FAM227B: variants seen among roughly 807,000 people sequenced by gnomAD.
FAM227B encodes protein FAM227B.
Under a neutral mutation model 73.8 loss-of-function variants are expected in FAM227B, and 88 were observed. That is an observed-to-expected ratio of 1.19 (90% CI 1.00 to 1.42). The LOEUF (loss-of-function observed/expected upper bound fraction) is 1.42, where lower values mean the gene tolerates loss of function less well. Ranked by LOEUF, FAM227B falls within the 40% of genes most tolerant of loss-of-function variation. The pLI is 0.00. For synonymous variants in FAM227B, 210 were observed against 190.5 expected, an observed-to-expected ratio of 1.10 and a Z score of -0.84; for missense variants, 632 against 590.9, an observed-to-expected ratio of 1.07 and a Z score of -0.72.
intron 11 of FAM227B, among the ~76,000 whole-genome samples, chr15:49,399,191 C>T (rs2047933831): frequency 7.0e-6 from 1 of 141,918 alleles, no homozygotes; most frequent in African/African-American, 2.7e-5. Flanking sequence ...CACAGAAATA[C>T]AAACTACCAT....
intron 10 of FAM227B, among the ~76,000 whole-genome samples, chr15:49,531,507 G>T (rs2060606998): frequency 1.3e-5 from 2 of 151,826 alleles, no homozygotes; most frequent in Non-Finnish European, 2.9e-5. Context: ...TTCCATTTCT[G>T]AATATAAAAA....
chr15:49,570,486 T>A (rs1204279524), intron 8 of FAM227B, among the ~76,000 whole-genome samples: 2 of 152,028 alleles, frequency 1.3e-5, no homozygotes, highest in East Asian at 1.9e-4. Context: ...CTGCCCATTT[T>A]AAAAATTTTA....
chr15:49,568,483 C>A (rs2074838430), intron 8 of FAM227B, 137 bp from the exon 9 acceptor site: 1 of 657,462 alleles, frequency 1.5e-6, no homozygotes, highest in Non-Finnish European at 2.5e-6. Context: ...TCGCATAATG[C>A]AGACCCAAAT....
chr15:49,473,261 G>T (rs2054944990), intron 11 of FAM227B, among the ~76,000 whole-genome samples: 1 of 152,070 alleles, frequency 6.6e-6, no homozygotes, highest in South Asian at 2.1e-4. Context: ...AAGTCATGAT[G>T]ATGTTCACTA....
At chr15:49,396,724 C>A (rs1293950150) in intron 11 of FAM227B, among the ~76,000 whole-genome samples, 1 of 149,136 alleles carries the variant, frequency 6.7e-6, no homozygotes, top group Non-Finnish European at 1.5e-5. Flanking sequence ...GAGGCACCCC[C>A]CAGCAGGGGC....
intron 11 of FAM227B, among the ~76,000 whole-genome samples, chr15:49,377,720 CAT>C (rs2046261419): frequency 6.6e-6 from 1 of 152,038 alleles, no homozygotes; most frequent in African/African-American, 2.4e-5. Context: ...ATTCTTTTCC[CAT>C]AGAGTTACTT....
chr15:49,507,342 A>G (rs1390731897), intron 11 of FAM227B, among the ~76,000 whole-genome samples: 2 of 152,118 alleles, frequency 1.3e-5, no homozygotes, highest in Admixed American at 6.5e-5. Flanking sequence ...TAGGCTGGGT[A>G]GGTTAATTCC....
intron 13 of FAM227B, among the ~76,000 whole-genome samples, chr15:49,355,204 C>T (rs957858173): frequency 6.6e-6 from 1 of 152,148 alleles, no homozygotes. Flanking sequence ...CAAAGGAACG[C>T]AGTTCCTCAC....
chr15:49,613,416 G>A (rs900433554), intron 2 of FAM227B, among the ~76,000 whole-genome samples: 15 of 152,124 alleles, frequency 9.9e-5, no homozygotes, highest in Admixed American at 7.9e-4. Flanking sequence ...TGAGAGAATC[G>A]CTTGAACCCC....
At chr15:49,438,405 C>G (rs1391932881) in intron 11 of FAM227B, among the ~76,000 whole-genome samples, 1 of 151,740 alleles carries the variant, frequency 6.6e-6, no homozygotes, top group Non-Finnish European at 1.5e-5. Flanking sequence ...ATATCCATTG[C>G]TTTGTTCCAC....
chr15:49,603,232 G>A (rs2077315576), intron 3 of FAM227B, among the ~76,000 whole-genome samples: 2 of 152,076 alleles, frequency 1.3e-5, no homozygotes. Flanking sequence ...ATTGCTTTGG[G>A]TAGTTTGGAC....
At chr15:49,530,027 G>A (rs1406760719) in intron 10 of FAM227B, among the ~76,000 whole-genome samples, 1 of 151,646 alleles carries the variant, frequency 6.6e-6, no homozygotes, top group Non-Finnish European at 1.5e-5. Context: ...GTTTTTATAT[G>A]TGGCTATCTT....
intron 13 of FAM227B, chr15:49,365,522 T>C: frequency 1.2e-6 from 1 of 849,976 alleles, no homozygotes; most frequent in Non-Finnish European, 2.1e-6. Flanking sequence ...TTTGGTACTC[T>C]GATGACTACT....
rs952755691 is a variant in FAM227B, at chr15:49,583,654, C to T, written c.405+4362G>A. Among the ~76,000 whole-genome samples the T allele has an allele frequency of 2.9e-5, 3 of 103,626 alleles. No homozygotes were observed. The South Asian group carries it at 8.7e-4, about 30-fold the overall frequency. The allele number at this position is 103,626 out of a possible 152,430, so 68.0% of individuals were successfully genotyped here. On this transcript the variant is annotated intron_variant, in intron 5 of 15. Transcript: ENST00000299338. Reference sequence around the variant, plus strand: ...TCTTAATAAACTTGCTTTCACTTGGCAAAAAAAAAAAAAAAATTATATGGG... The same window carrying T: ...TCTTAATAAACTTGCTTTCACTTGGTAAAAAAAAAAAAAAAATTATATGGG...
intron 11 of FAM227B, among the ~76,000 whole-genome samples, chr15:49,452,425 A>T (rs2052841476): frequency 6.6e-6 from 1 of 152,202 alleles, no homozygotes; most frequent in Non-Finnish European, 1.5e-5. Flanking sequence ...CCTTGTTAAC[A>T]TCTATTTCTA....
intron 11 of FAM227B, among the ~76,000 whole-genome samples, chr15:49,472,068 G>A (rs2054833080): frequency 6.6e-6 from 1 of 150,530 alleles, no homozygotes; most frequent in Non-Finnish European, 1.5e-5. Flanking sequence ...ATTAACAACA[G>A]TGTTGAAAAT....
intron 14 of FAM227B, 59 bp from the exon 15 acceptor site, chr15:49,331,908 C>G: frequency 1.1e-6 from 1 of 936,348 alleles, no homozygotes; most frequent in African/African-American, 1.6e-5. Flanking sequence ...TTGACACCAT[C>G]TAAATAGCCA....
chr15:49,402,486 C>G (rs1444897166), intron 11 of FAM227B, among the ~76,000 whole-genome samples: 1 of 152,080 alleles, frequency 6.6e-6, no homozygotes, highest in African/African-American at 2.4e-5. Flanking sequence ...CTGAAAAGGT[C>G]CTTCACTTCC....
At chr15:49,587,460 C>A (rs1005059426) in intron 5 of FAM227B, among the ~76,000 whole-genome samples, 1 of 152,048 alleles carries the variant, frequency 6.6e-6, no homozygotes, top group Non-Finnish European at 1.5e-5. Flanking sequence ...AACAAACCTG[C>A]ACATGTAACC....
Sources: gnomAD v4.1 joint callset for allele counts (sites outside exome capture counted in the v4.1 genomes callset) on GRCh38, gnomAD v4.1.1 for gene constraint, MANE v1.5 for transcripts, NCBI Gene and HGNC (gene_info 2026-07-23, HGNC 2026-07-21) for gene names.